The following CSMD1 variants were observed in gnomAD, a reference collection of about 807,000 sequenced individuals.
CSMD1 encodes CUB and sushi domain-containing protein 1.
CSMD1 carries 213 observed loss-of-function variants against 417.5 expected under a neutral mutation model. That is an observed-to-expected ratio of 0.51 (90% CI 0.46 to 0.57). CSMD1 has a LOEUF of 0.57. CSMD1 is among the 20% of genes least tolerant of loss of function. CSMD1 has a pLI of 0.00. For missense variants in CSMD1, 6,923 were observed against 4,529.7 expected (o/e 1.53, Z -15.17); for synonymous variants, 2,862 against 1,736.8 (o/e 1.65, Z -16.11).
intron 5 of CSMD1, among the ~76,000 whole-genome samples, chr8:3,869,539 C>G (rs1169677650): frequency 6.6e-6 from 1 of 152,120 alleles, no homozygotes; most frequent in East Asian, 1.9e-4. Context: ...TCATTTCTTC[C>G]TGAGAGTGCC....
rs1803779588 is a variant in CSMD1 at position 4,141,365 on chromosome 8, A to G, written c.416-109266T>C. ...AGAGAAGTATGCTCATGAAGCTTGT[A>G]TGCTCCAAGAATACCAAGAAGCTAA... On this transcript the variant is annotated intron_variant, in intron 3 of 69. Transcript: ENST00000635120. 1.3e-5 allele frequency among the ~76,000 whole-genome samples: 2 copies of G among 151,256 alleles called. 1 individual carries two copies.
chr8:2,955,688 C>T lies in CSMD1; in HGVS notation c.9895G>A (p.Val3299Met), dbSNP rs1039465057. The T allele has an allele frequency of 1.2e-6, 2 of 1,613,938 alleles. No homozygotes were observed. ...IDLPTFGYTL[V>M]YTCHPGFFLA... ...AAAAAGCCTGGATGGCAGGTGTACACTAAGGTGTAGCCGAAAGTAGGAAGA... is the reference window on the plus strand; with the variant it reads ...AAAAAGCCTGGATGGCAGGTGTACATTAAGGTGTAGCCGAAAGTAGGAAGA... Residue 3299 changes from valine (V) to methionine (M), a missense_variant, in exon 64 of 70, where the codon GTG becomes ATG. By Grantham distance (21) the Val-to-Met change is conservative. Transcript: ENST00000635120.
In CSMD1 at chr8:3,029,731, G is replaced by A. The variant is rs954691276; in HGVS notation, c.7661-218C>T. On this transcript the variant is annotated intron_variant, in intron 50 of 69. Transcript: ENST00000635120. ...TCAATTGCCTCACTACAGATGTCCT[G>A]GGAAGTCTGCAGTCAGACTGAACTG... Among the ~76,000 whole-genome samples the A allele has an allele frequency of 4.6e-5, 7 of 150,638 alleles. No homozygotes were observed. In the East Asian group the frequency reaches 1.4e-3, roughly 29 times the overall value.
intron 2 of CSMD1, among the ~76,000 whole-genome samples, chr8:4,573,468 A>T (rs1798983269): frequency 6.6e-6 from 1 of 152,044 alleles, no homozygotes; most frequent in African/African-American, 2.4e-5. Context: ...AACAGCAAAG[A>T]TTGCTGCCTG....
intron 6 of CSMD1, among the ~76,000 whole-genome samples, chr8:3,712,090 A>G (rs191032479): frequency 1.6e-4 from 24 of 152,266 alleles, no homozygotes; most frequent in Non-Finnish European, 2.4e-4. Context: ...TTTATTTATT[A>G]TTTTTCAACA....
intron 5 of CSMD1, among the ~76,000 whole-genome samples, chr8:3,882,711 C>T (rs1232032258): frequency 6.6e-6 from 1 of 152,166 alleles, no homozygotes; most frequent in African/African-American, 2.4e-5. Flanking sequence ...GAACACATTA[C>T]AAATGTGCAC....
chr8:4,393,048 T>C (rs1023638671), intron 3 of CSMD1, among the ~76,000 whole-genome samples: 5 of 152,004 alleles, frequency 3.3e-5, no homozygotes, highest in African/African-American at 9.7e-5. Context: ...TGACCTAGGC[T>C]CACTGTACCC....
chr8:3,386,811 C>G (rs7000196), intron 18 of CSMD1, among the ~76,000 whole-genome samples: 17,006 of 152,144 alleles, frequency 0.11, 1,055 homozygotes, highest in Middle Eastern at 0.15. Context: ...GGGTTATATT[C>G]ATGGTCAAGG....
chr8:4,203,753 T>C (rs1407095445), intron 3 of CSMD1, among the ~76,000 whole-genome samples: 4 of 152,144 alleles, frequency 2.6e-5, no homozygotes, highest in East Asian at 1.9e-4. Flanking sequence ...CATATACATA[T>C]AGACATTTGC....
chr8:4,340,227 T>G (rs1359811765), intron 3 of CSMD1, among the ~76,000 whole-genome samples: 1 of 152,070 alleles, frequency 6.6e-6, no homozygotes, highest in East Asian at 1.9e-4. Flanking sequence ...TTGCTATGCC[T>G]TCTCCCCTTT....
At chr8:3,394,537 G>T (rs562900251) in intron 17 of CSMD1, among the ~76,000 whole-genome samples, 1 of 152,066 alleles carries the variant, frequency 6.6e-6, no homozygotes, top group African/African-American at 2.4e-5. Context: ...AAGGAAAAGT[G>T]TTCTAATATT....
intron 3 of CSMD1, among the ~76,000 whole-genome samples, chr8:4,128,190 G>A (rs1346412394): frequency 1.3e-5 from 2 of 151,980 alleles, no homozygotes; most frequent in East Asian, 3.9e-4. Context: ...TGCGGAAAAA[G>A]TGCCCTGAGA....
intron 8 of CSMD1, among the ~76,000 whole-genome samples, chr8:3,595,061 C>T (rs553207941): frequency 1.3e-5 from 2 of 152,318 alleles, no homozygotes; most frequent in East Asian, 1.9e-4. Context: ...GAACATTCAT[C>T]TCTATTTTAA....
intron 26 of CSMD1, among the ~76,000 whole-genome samples, chr8:3,240,936 T>G (rs1467189141): frequency 6.6e-6 from 1 of 151,916 alleles, no homozygotes; most frequent in Non-Finnish European, 1.5e-5. Context: ...TTAATCCTTT[T>G]AAAGCATGCT....
chr8:3,576,607 C>G (rs1364866883), intron 9 of CSMD1, among the ~76,000 whole-genome samples: 1 of 152,170 alleles, frequency 6.6e-6, no homozygotes, highest in African/African-American at 2.4e-5. Flanking sequence ...CATTTACTGT[C>G]CAAATGAAAA....
intron 5 of CSMD1, among the ~76,000 whole-genome samples, chr8:3,813,415 G>A (rs1476341799): frequency 6.6e-6 from 1 of 152,028 alleles, no homozygotes; most frequent in Non-Finnish European, 1.5e-5. Context: ...TTCCCTAGGG[G>A]CCTGTAAAAG....
intron 2 of CSMD1, among the ~76,000 whole-genome samples, chr8:4,598,505 G>T (rs760120571): frequency 1.1e-4 from 17 of 152,160 alleles, no homozygotes; most frequent in Non-Finnish European, 2.2e-4. Context: ...CCAAACTCCA[G>T]CTACAGGTGT....
Position 3,282,527 on chromosome 8 carries a change from T to G in CSMD1, c.4153+1617A>C, listed in dbSNP as rs551515924. 2.3e-5 allele frequency among the ~76,000 whole-genome samples: 3 copies of G among 131,438 alleles called. No homozygotes were observed. In the South Asian group the frequency reaches 7.9e-4, roughly 34 times the overall value. 86.2% of individuals were successfully genotyped at this position (131,438 alleles called of 152,430 possible). A position where few individuals can be genotyped will look rare whatever the true frequency, so the allele number is the denominator to read the frequency against. Reference sequence around the variant, plus strand: ...TGCTCTTGCCACCATTTCAAAAGATTAAGAAAATTTTATATCACAACAAAA... The same window carrying G: ...TGCTCTTGCCACCATTTCAAAAGATGAAGAAAATTTTATATCACAACAAAA... On this transcript the variant is annotated intron_variant, in intron 26 of 69. Coordinates refer to ENST00000635120, the MANE Select transcript of CSMD1 (RefSeq NM_033225.6).
At chr8:3,786,281 G>C (rs987207140) in intron 5 of CSMD1, among the ~76,000 whole-genome samples, 2 of 152,090 alleles carry the variant, frequency 1.3e-5, no homozygotes, top group African/African-American at 2.4e-5. Flanking sequence ...TGGGCATGGA[G>C]GTTAGAAGAG....
Sources: allele counts gnomAD v4.1 joint callset (sites outside exome capture counted in the v4.1 genomes callset), GRCh38; gene constraint gnomAD v4.1.1; transcripts MANE v1.5; gene names NCBI Gene and HGNC (gene_info 2026-07-23, HGNC 2026-07-21).